Variants in NCAPG observed in about 807,000 individuals in gnomAD.
The protein encoded by NCAPG is condensin complex subunit 3.
In NCAPG, 69 loss-of-function variants were observed where a neutral mutation model predicts 113.1. The observed-to-expected ratio is 0.61, with a 90% confidence interval of 0.50 to 0.75. NCAPG has a LOEUF of 0.75. Ranked by LOEUF, NCAPG falls within the 30% of genes least tolerant of loss-of-function variation. NCAPG has a pLI of 0.00. For synonymous variants in NCAPG, 370 were observed against 415.8 expected, an observed-to-expected ratio of 0.89 and a Z score of 1.34; for missense variants, 1,058 against 1,177.0, an observed-to-expected ratio of 0.90 and a Z score of 1.48.
In NCAPG at chr4:17,842,349, G is replaced by A. The variant is rs773183763; in HGVS notation, c.2894G>A (p.Arg965Lys). The A allele has an allele frequency of 5.6e-6, 9 of 1,612,156 alleles. No homozygotes were observed. Among genetic ancestry groups the A allele is most frequent in the Non-Finnish European group, 7.6e-6 (9 of 1,178,604 alleles). The part of the protein sequence containing the change: ...KVTVSARTNR[R>K]CQTAEADSES... ...ACAGTTTCAGCTAGGACGAACAGGAGGTGTCAGACTGCTGAAGCCGACTCT... is the reference window on the plus strand; with the variant it reads ...ACAGTTTCAGCTAGGACGAACAGGAAGTGTCAGACTGCTGAAGCCGACTCT... The change falls in exon 20 of 21, where the codon AGG becomes AAG. Residue 965 changes from arginine to lysine, a missense_variant. Coordinates refer to ENST00000251496, the MANE Select transcript of NCAPG (RefSeq NM_022346.5).
At chr4:17,822,916 T>G in intron 7 of NCAPG, 67 bp from the exon 8 acceptor site, 1 of 1,336,298 alleles carries the variant, frequency 7.5e-7, no homozygotes, top group Non-Finnish European at 1.0e-6. Flanking sequence ...TCTGACCTAA[T>G]GGTGGGAATC....
Position 17,823,143 on chromosome 4 carries a change from CT to C in NCAPG, c.1259+21del. 1 of 1,594,198 alleles carries C rather than the reference CT, an allele frequency of 6.3e-7. No individual in the cohort carries two copies. Among genetic ancestry groups the C allele is most frequent in the African/African-American group, 1.4e-5 (1 of 73,998 alleles). On this transcript the variant is annotated intron_variant, in intron 8 of 20. Transcript: ENST00000251496. ...AGGAAGGTATGTCTAAATGTTAACA[CT>C]CATTCTAATTTGCCCTTCTAATTTC...
In NCAPG at chr4:17,837,751, A is replaced by T; in HGVS notation, c.2416A>T (p.Thr806Ser). The change falls in exon 16 of 21, where the codon ACA becomes TCA. Residue 806 changes from threonine (T) to serine (S), a missense_variant. Transcript: ENST00000251496. ...TNVAELLVDL[T>S]RPSGLNPQAK... ...TGTTGCTGAGTTACTTGTAGATTTG[A>T]CAAGACCAAGTGGATTAAATCCTCA... The T allele has an allele frequency of 6.2e-7, 1 of 1,613,996 alleles. No homozygotes were observed. Among genetic ancestry groups the T allele is most frequent in the Non-Finnish European group, 8.5e-7 (1 of 1,179,880 alleles).
In NCAPG at chr4:17,843,290, A is replaced by ACAT. The variant is rs758202742; in HGVS notation, c.2925-10_2925-8dup. Reference sequence around the variant, plus strand: ...TTGTATCTAAATTCGTGTATTTTCAACATCTATTTAGTGATCATGAAGTTC... The same window carrying ACAT: ...TTGTATCTAAATTCGTGTATTTTCAACATCATCTATTTAGTGATCATGAAGTTC... On this transcript the variant is annotated splice_polypyrimidine_tract_variant and intron_variant, in intron 20 of 20. Transcript: ENST00000251496. 4.2e-5 allele frequency: 67 copies of ACAT among 1,602,260 alleles called. No individual in the cohort carries two copies. The East Asian group carries it at 1.5e-3, about 35-fold the overall frequency.
intron 13 of NCAPG, among the ~76,000 whole-genome samples, chr4:17,833,520 C>T (rs935337532): frequency 6.7e-6 from 1 of 149,068 alleles, no homozygotes; most frequent in East Asian, 2.0e-4. Context: ...TTATATATAT[C>T]TTATTTTTCC....
chr4:17,823,022 A>G lies in NCAPG; in HGVS notation c.1158A>G (p.Arg386=). The G allele has an allele frequency of 1.2e-6, 2 of 1,608,700 alleles. No homozygotes were observed. Among genetic ancestry groups the G allele is most frequent in the Non-Finnish European group, 1.7e-6 (2 of 1,177,856 alleles). Residue 386 remains arginine, a synonymous_variant, in exon 8 of 21, where the codon AGA becomes AGG. Transcript: ENST00000251496. ...QSIPVVNEEH[R]GDFSYIGNLM... ...TTCCAGTTGTTAATGAAGAACACAG[A>G]GGTGATTTTTCCTATATTGGAAATT...
intron 11 of NCAPG, among the ~76,000 whole-genome samples, chr4:17,827,803 G>C (rs903370971): frequency 2.2e-4 from 32 of 145,026 alleles, no homozygotes; most frequent in African/African-American, 7.9e-4. Context: ...ATGAAGATTA[G>C]ACTTTTTTTT....
chr4:17,811,101 G>T lies in NCAPG; in HGVS notation c.24G>T (p.Leu8=). The change falls in exon 1 of 21, where the codon CTG becomes CTT. Residue 8 remains leucine (L), a synonymous_variant. Transcript: ENST00000251496. This position sits in a 1 kb window ranked among gnomAD's most constrained non-coding sequence, Gnocchi z 5.3. ...CCATGGGAGCGGAAAGGAGGCTGCT[G>T]TCGATTAAGGAGGCCTTTCGGCTGG... MGAERRL[L]SIKEAFRLAQ... is the part of the protein sequence containing the mutation. The T allele has an allele frequency of 6.5e-7, 1 of 1,533,486 alleles. No homozygotes were observed. Among genetic ancestry groups the T allele is most frequent in the Non-Finnish European group, 8.8e-7 (1 of 1,140,326 alleles). The allele number at this position is 1,533,486 out of a possible 1,614,324, so 95.0% of individuals were successfully genotyped here.
At position 17,839,661 on chromosome 4, in the gene NCAPG, CT is replaced by C. The variant is rs1722253826; in HGVS notation, c.2467-14del. 3 of 1,466,684 alleles carry C rather than the reference CT, an allele frequency of 2.0e-6. 1 individual carries two copies. The South Asian group carries it at 4.4e-5, about 21-fold the overall frequency. 90.9% of individuals were successfully genotyped at this position (1,466,684 alleles called of 1,614,324 possible). ...TCATCTTCAATTTACAGAGAATTTTCTCTTAATTTTTTAGGCCTTAACAGTA... is the reference window on the plus strand; with the variant it reads ...TCATCTTCAATTTACAGAGAATTTTCCTTAATTTTTTAGGCCTTAACAGTA... On this transcript the variant is annotated splice_polypyrimidine_tract_variant and intron_variant, in intron 16 of 20. Transcript: ENST00000251496.
chr4:17,812,650 T>G (rs974093682), intron 2 of NCAPG, among the ~76,000 whole-genome samples: 1 of 152,210 alleles, frequency 6.6e-6, no homozygotes, highest in Non-Finnish European at 1.5e-5. Context: ...TCTCCTTTGT[T>G]TATTTTAAAT....
chr4:17,835,539 C>A (rs77358437), intron 14 of NCAPG, among the ~76,000 whole-genome samples: 17,598 of 152,192 alleles, frequency 0.12, 1,137 homozygotes, highest in South Asian at 0.24. Flanking sequence ...TTAGTACATT[C>A]AAAATGAAAG....
intron 16 of NCAPG, among the ~76,000 whole-genome samples, chr4:17,838,980 A>T (rs1722212598): frequency 6.6e-6 from 1 of 152,224 alleles, no homozygotes; most frequent in South Asian, 2.1e-4. Flanking sequence ...GAAAGAATAG[A>T]AATTGACCTA....
chr4:17,842,345 A>T lies in NCAPG; in HGVS notation c.2890A>T (p.Arg964Trp). The T allele has an allele frequency of 6.2e-7, 1 of 1,612,320 alleles. No individual in the cohort carries two copies. The highest frequency in any genetic ancestry group is 8.5e-7 in the Non-Finnish European group (1 of 1,178,604). Residue 964 changes from arginine (R) to tryptophan (W), a missense_variant, in exon 20 of 21, where the codon AGG (arginine) becomes TGG (tryptophan). Coordinates refer to ENST00000251496, the MANE Select transcript of NCAPG (RefSeq NM_022346.5). ...RKVTVSARTN[R>W]RCQTAEADSE... ...AGTGACAGTTTCAGCTAGGACGAAC[A>T]GGAGGTGTCAGACTGCTGAAGCCGA...
intron 7 of NCAPG, among the ~76,000 whole-genome samples, chr4:17,820,168 A>C (rs958773239): frequency 1.3e-5 from 2 of 152,188 alleles, no homozygotes; most frequent in Non-Finnish European, 2.9e-5. Context: ...GTTTTCCTCA[A>C]GGACAGCATC....
At chr4:17,835,849 T>C (rs1390822691) in intron 14 of NCAPG, among the ~76,000 whole-genome samples, 1 of 152,240 alleles carries the variant, frequency 6.6e-6, no homozygotes, top group East Asian at 1.9e-4. Context: ...TATATGGTGA[T>C]TTGTTTATGC....
chr4:17,843,203 C>A, intron 20 of NCAPG, 99 bp from the exon 21 acceptor site: 3 of 1,287,528 alleles, frequency 2.3e-6, no homozygotes, highest in Non-Finnish European at 2.1e-6. Context: ...ATCAATTAAA[C>A]ACTGATAGAA....
At position 17,812,385 on chromosome 4, in the gene NCAPG, T is replaced by A; in HGVS notation, c.276T>A (p.Asp92Glu). The change falls in exon 2 of 21, where the codon GAT becomes GAA. Residue 92 changes from aspartate (D) to glutamate (E), a missense_variant. Transcript: ENST00000251496. ...SDMEDDEEEE[D>E]GGLLNYLFTF... ...TGGAAGATGATGAGGAAGAGGAAGATGGTGGCCTTTTAAATTATTTGTTTA... is the reference window on the plus strand; with the variant it reads ...TGGAAGATGATGAGGAAGAGGAAGAAGGTGGCCTTTTAAATTATTTGTTTA... The A allele has an allele frequency of 4.3e-6, 7 of 1,613,800 alleles. No individual in the cohort carries two copies. The highest frequency in any genetic ancestry group is 4.2e-6 in the Non-Finnish European group (5 of 1,179,828).
chr4:17,827,253 C>T (rs114318618), intron 11 of NCAPG, among the ~76,000 whole-genome samples: 245 of 152,306 alleles, frequency 1.6e-3, no homozygotes, highest in African/African-American at 5.0e-3. Flanking sequence ...TAAGGCTTTG[C>T]GTAAGCAATA....
intron 14 of NCAPG, among the ~76,000 whole-genome samples, chr4:17,834,807 C>G (rs1011088566): frequency 1.3e-5 from 2 of 151,958 alleles, no homozygotes; most frequent in Non-Finnish European, 2.9e-5. Context: ...CTTATTTTTC[C>G]TACTGGATTT....
Sources: gnomAD v4.1 joint callset for allele counts (sites outside exome capture counted in the v4.1 genomes callset) on GRCh38, gnomAD v4.1.1 for gene constraint, Gnocchi (gnomAD v3.1) non-coding constraint, MANE v1.5 for transcripts, NCBI Gene and HGNC (gene_info 2026-07-23, HGNC 2026-07-21) for gene names.